The following ZNF354B variants were observed in gnomAD, a reference collection of about 807,000 sequenced individuals.
The protein encoded by ZNF354B is zinc finger protein 354B.
Under a neutral mutation model 12.9 loss-of-function variants are expected in ZNF354B, and 10 were observed. The observed-to-expected ratio is 0.77, with a 90% CI of 0.48 to 1.31. The LOEUF is 1.31. Among genes scored for constraint, ZNF354B ranks in the 40% most tolerant of loss-of-function variants. The pLI, the probability that ZNF354B is intolerant of heterozygous loss-of-function variation, is 0.00. For missense variants in ZNF354B, 614 were observed against 711.7 expected, an observed-to-expected ratio of 0.86 and a Z score of 1.56; for synonymous variants, 260 against 243.7, an observed-to-expected ratio of 1.07 and a Z score of -0.62.
intron 4 of ZNF354B, among the ~76,000 whole-genome samples, chr5:178,869,811 TGTCAGATGGAA>T (rs1048693024): frequency 1.3e-5 from 2 of 152,140 alleles, no homozygotes; most frequent in South Asian, 2.1e-4. Context: ...GTCCTCCTTT[TGTCAGATGGAA>T]GTCAGATGGC....
At position 178,877,617 on chromosome 5, in the gene ZNF354B, C is replaced by T. The variant is rs190928455; in HGVS notation, c.257-5092C>T. Among the ~76,000 whole-genome samples, 54 of 152,298 alleles carry T rather than the reference C, an allele frequency of 3.5e-4. No individual in the cohort carries two copies. In the East Asian group the frequency reaches 4.1e-3, roughly 11 times the overall value. ...CAGCCTGCATTTGTGTTTGCACCTC[C>T]GTGATTCAAAGCAGTAATTTGCAGT... On this transcript the variant is annotated intron_variant, in intron 4 of 4. Coordinates refer to ENST00000322434, the MANE Select transcript of ZNF354B (RefSeq NM_058230.3).
chr5:178,884,255 T>G lies in ZNF354B; in HGVS notation c.1803T>G (p.Ile601Met). 1 of 1,602,118 alleles carries G rather than the reference T, an allele frequency of 6.2e-7. No individual in the cohort carries two copies. Among genetic ancestry groups the G allele is most frequent in the Non-Finnish European group, 8.5e-7 (1 of 1,174,376 alleles). The change falls in exon 5 of 5, where the codon ATT (isoleucine) becomes ATG (methionine). Residue 601 changes from isoleucine (I) to methionine (M), a missense_variant. Physicochemically the swap from Ile to Met is conservative, Grantham distance 10. Transcript: ENST00000322434. The part of the protein sequence containing the change: ...SSLTNHYKIH[I>M]EEDSLKADLH... ...TTACTAATCATTATAAAATTCACAT[T>G]GAAGAGGACTCCTTAAAAGCCGATT... is the stretch of plus-strand genomic sequence containing the variant.
chr5:178,866,216 G>A (rs776392325), intron 2 of ZNF354B, 28 bp from the exon 3 acceptor site: 2 of 1,612,784 alleles, frequency 1.2e-6, no homozygotes, highest in South Asian at 2.2e-5. Flanking sequence ...GGTGGTCCTG[G>A]GTGAGCTGGA....
At chr5:178,867,260 ATC>A (rs113327388) in intron 4 of ZNF354B, among the ~76,000 whole-genome samples, 189 bp downstream of exon 4, 3,194 of 152,264 alleles carry the variant, frequency 0.021, 114 homozygotes, top group African/African-American at 0.072. Context: ...ATCTCTCAGC[ATC>A]TCTTTTCTTA....
At chr5:178,878,307 C>T (rs529254582) in intron 4 of ZNF354B, among the ~76,000 whole-genome samples, 19 of 151,630 alleles carry the variant, frequency 1.3e-4, no homozygotes, top group Non-Finnish European at 2.1e-4. Flanking sequence ...GGCGTGAACC[C>T]GGGAGGCGGA....
At chr5:178,879,070 CT>C (rs1757680827) in intron 4 of ZNF354B, among the ~76,000 whole-genome samples, 2 of 148,644 alleles carry the variant, frequency 1.3e-5, no homozygotes, top group African/African-American at 5.0e-5. Flanking sequence ...TTTTTTTGAA[CT>C]GGAGTCTCAC....
At chr5:178,860,522 C>T (rs991429022) in intron 1 of ZNF354B, among the ~76,000 whole-genome samples, 1 of 152,140 alleles carries the variant, frequency 6.6e-6, no homozygotes, top group Admixed American at 6.5e-5. Flanking sequence ...AAGCCGTTTT[C>T]CGTGGAGTCG....
chr5:178,880,487 T>C (rs988646936), intron 4 of ZNF354B, among the ~76,000 whole-genome samples: 2 of 151,044 alleles, frequency 1.3e-5, no homozygotes, highest in African/African-American at 2.4e-5. Flanking sequence ...TGTGAGCCAC[T>C]GCACCCGGCC....
At chr5:178,881,356 A>G (rs1396142559) in intron 4 of ZNF354B, among the ~76,000 whole-genome samples, 1 of 152,176 alleles carries the variant, frequency 6.6e-6, no homozygotes, top group African/African-American at 2.4e-5. Flanking sequence ...CCACACAACT[A>G]AAAAATCAGC....
At chr5:178,877,335 A>G (rs111840052) in intron 4 of ZNF354B, among the ~76,000 whole-genome samples, 22,569 of 151,898 alleles carry the variant, frequency 0.15, 2,061 homozygotes, top group African/African-American at 0.25. Context: ...ACACCTGGCT[A>G]ATTTTTATGT....
chr5:178,866,313 C>T lies in ZNF354B; in HGVS notation c.103C>T (p.Gln35Ter), dbSNP rs1757453309. Residue 35 changes from glutamine to a stop codon, truncating the protein, a stop_gained, in exon 3 of 5, where the codon CAG (glutamine) becomes TAG (stop). Coordinates refer to ENST00000322434, the MANE Select transcript of ZNF354B (RefSeq NM_058230.3). LOFTEE classifies it high-confidence loss of function. ...TGAGTGGAGAAAGCTGGCTCCTTCTCAGAGAAACTTGTACCGGGATGTGAT... is the reference window on the plus strand; with the variant it reads ...TGAGTGGAGAAAGCTGGCTCCTTCTTAGAGAAACTTGTACCGGGATGTGAT... ...WDEWRKLAPS[Q>*]RNLYRDVMLE... 6 of 1,613,984 alleles carry T rather than the reference C, an allele frequency of 3.7e-6. No homozygotes were observed. Among genetic ancestry groups the T allele is most frequent in the African/African-American group, 1.3e-5 (1 of 74,930 alleles).
rs140053195 is a variant in ZNF354B, at chr5:178,884,321, A to G, written c.*30A>G. The G allele has an allele frequency of 2.0e-5, 30 of 1,536,382 alleles. No homozygotes were observed. The East Asian group carries it at 5.4e-4, about 28-fold the overall frequency. On this transcript the variant is annotated 3_prime_UTR_variant, in exon 5 of 5. Transcript: ENST00000322434. ...CTTAAACCAAAACTCATCAGAGAATACATGCTTGAGAGTGATTTATTAAAT... is the reference window on the plus strand; with the variant it reads ...CTTAAACCAAAACTCATCAGAGAATGCATGCTTGAGAGTGATTTATTAAAT...
chr5:178,883,431 A>G lies in ZNF354B; in HGVS notation c.979A>G (p.Lys327Glu), dbSNP rs1469958916. ...AATCCATGCTCAAGAAAATCCCCAT[A>G]AATACAATCCAGGCAGGAAGGCATC... ...QKIHAQENPHKYNPGRKASSY... is the reference protein window; with the variant it reads ...QKIHAQENPHEYNPGRKASSY... Residue 327 changes from lysine (K) to glutamate (E), a missense_variant, in exon 5 of 5, where the codon AAA becomes GAA. Coordinates refer to ENST00000322434, the MANE Select transcript of ZNF354B (RefSeq NM_058230.3). 1.9e-6 allele frequency: 3 copies of G among 1,614,090 alleles called. No individual in the cohort carries two copies.
At chr5:178,871,509 C>T (rs189197480) in intron 4 of ZNF354B, among the ~76,000 whole-genome samples, 464 of 152,316 alleles carry the variant, frequency 3.0e-3, no homozygotes, top group Middle Eastern at 0.01. Flanking sequence ...GTGTAATAGA[C>T]CTGTTTCTTC....
At chr5:178,872,448 T>G (rs1227633703) in intron 4 of ZNF354B, among the ~76,000 whole-genome samples, 1 of 152,242 alleles carries the variant, frequency 6.6e-6, no homozygotes, top group Non-Finnish European at 1.5e-5. Context: ...TTATAAACAT[T>G]CATGTGCAGG....
chr5:178,860,903 G>A (rs1204305408), intron 1 of ZNF354B, 94 bp from the exon 2 acceptor site: 18 of 502,428 alleles, frequency 3.6e-5, no homozygotes, highest in Non-Finnish European at 1.4e-5. Flanking sequence ...GAGGGCGCGC[G>A]GGGTCCTTCT....
In ZNF354B at chr5:178,866,286, G is replaced by A. The variant is rs1757452827; in HGVS notation, c.76G>A (p.Asp26Asn). The A allele has an allele frequency of 6.2e-7, 1 of 1,614,158 alleles. No individual in the cohort carries two copies. The highest frequency in any genetic ancestry group is 8.5e-7 in the Non-Finnish European group (1 of 1,180,002). ...FEDVAVLFTW[D>N]EWRKLAPSQR... ...GGACGTGGCTGTGCTCTTTACCTGG[G>A]ATGAGTGGAGAAAGCTGGCTCCTTC... The change falls in exon 3 of 5, where the codon GAT (aspartate) becomes AAT (asparagine). Residue 26 changes from aspartate to asparagine, a missense_variant. Coordinates refer to ENST00000322434, the MANE Select transcript of ZNF354B (RefSeq NM_058230.3).
chr5:178,883,438 A>G lies in ZNF354B; in HGVS notation c.986A>G (p.Asn329Ser), dbSNP rs199595551. 1.2e-5 allele frequency: 20 copies of G among 1,614,036 alleles called. No individual in the cohort carries two copies. In the South Asian group the frequency reaches 2.2e-4, roughly 18 times the overall value. The change falls in exon 5 of 5, where the codon AAT (asparagine) becomes AGT (serine). Residue 329 changes from asparagine (N) to serine (S), a missense_variant. By Grantham distance (46) the Asn-to-Ser change is conservative. Transcript: ENST00000322434. ...GCTCAAGAAAATCCCCATAAATACAATCCAGGCAGGAAGGCATCCAGTTAC... is the reference window on the plus strand; with the variant it reads ...GCTCAAGAAAATCCCCATAAATACAGTCCAGGCAGGAAGGCATCCAGTTAC... The part of the protein sequence containing the change: ...IHAQENPHKY[N>S]PGRKASSYST...
chr5:178,881,003 C>T (rs542698980), intron 4 of ZNF354B, among the ~76,000 whole-genome samples: 2 of 151,772 alleles, frequency 1.3e-5, no homozygotes, highest in Non-Finnish European at 2.9e-5. Context: ...CCACCAAGTC[C>T]AGCTAATTTT....
Sources: gnomAD v4.1 joint callset for allele counts (sites outside exome capture counted in the v4.1 genomes callset) on GRCh38, gnomAD v4.1.1 for gene constraint, MANE v1.5 for transcripts, NCBI Gene and HGNC (gene_info 2026-07-23, HGNC 2026-07-21) for gene names.